TMEM132D: variants seen among roughly 807,000 people sequenced by gnomAD.
The protein encoded by TMEM132D is transmembrane protein 132D.
Under a neutral mutation model 62.3 loss-of-function variants are expected in TMEM132D, and 21 were observed. The observed-to-expected ratio is 0.34, with a 90% CI of 0.24 to 0.49. TMEM132D has a LOEUF of 0.49. TMEM132D is among the 20% of genes least tolerant of loss of function. TMEM132D has a pLI of 0.99. For synonymous variants in TMEM132D, 621 were observed against 575.6 expected, an observed-to-expected ratio of 1.08 and a Z score of -1.13; for missense variants, 1,346 against 1,402.8, an observed-to-expected ratio of 0.96 and a Z score of 0.65.
At chr12:129,102,372 G>A (rs1397747374) in intron 5 of TMEM132D, among the ~76,000 whole-genome samples, 2 of 148,712 alleles carry the variant, frequency 1.3e-5, no homozygotes, top group Non-Finnish European at 3.0e-5. Context: ...ATGCACACAA[G>A]CACATGCAGA....
At chr12:129,210,380 G>T (rs1244102714) in intron 4 of TMEM132D, 1 of 152,262 alleles carries the variant, frequency 6.6e-6, no homozygotes, top group East Asian at 1.9e-4. Context: ...CTGGCCTCCA[G>T]ACGTGTCTGG....
At chr12:129,536,878 C>T (rs1242559036) in intron 2 of TMEM132D, among the ~76,000 whole-genome samples, 2 of 152,206 alleles carry the variant, frequency 1.3e-5, no homozygotes, top group African/African-American at 4.8e-5. Flanking sequence ...CATATGCGGC[C>T]GGGCGCGGTA....
chr12:129,626,973 A>C (rs546174128), intron 2 of TMEM132D, among the ~76,000 whole-genome samples: 1 of 152,150 alleles, frequency 6.6e-6, no homozygotes, highest in South Asian at 2.1e-4. Flanking sequence ...GGCACTCAGA[A>C]CCACCTGTTT....
rs199944696 is a variant in TMEM132D at position 129,827,740 on chromosome 12, GC to G, written c.79+75520del. On this transcript the variant is annotated intron_variant, in intron 1 of 8. Coordinates refer to ENST00000422113, the MANE Select transcript of TMEM132D (RefSeq NM_133448.3). This position sits in a 1 kb window ranked among gnomAD's most constrained non-coding sequence, Gnocchi z 9.7. The stretch of plus-strand genomic sequence containing the variant: ...GTTTGTCACTGGAAGTTAATCTTTA[GC>G]CCCCTCACCTCAGTTAAGTGCATTC... Among the ~76,000 whole-genome samples, 3 of 152,136 alleles carry G rather than the reference GC, an allele frequency of 2.0e-5. No homozygotes were observed. Among genetic ancestry groups the G allele is most frequent in the Admixed American group, 2.0e-4 (3 of 15,256 alleles).
intron 3 of TMEM132D, among the ~76,000 whole-genome samples, chr12:129,466,278 C>CCTTTTTTTTT (rs1566078685): frequency 2.5e-5 from 3 of 120,394 alleles, no homozygotes; most frequent in Admixed American, 9.7e-5. Flanking sequence ...GTAGATTTTT[C>CCTTTTTTTTT]CTTTTTTTTT....
At chr12:129,220,284 C>T (rs1349589766) in intron 4 of TMEM132D, among the ~76,000 whole-genome samples, 1 of 152,062 alleles carries the variant, frequency 6.6e-6, no homozygotes, top group Non-Finnish European at 1.5e-5. Flanking sequence ...GGTTCTAGAA[C>T]CTCATTGCCT....
At chr12:129,665,943 C>A (rs1399402447) in intron 2 of TMEM132D, among the ~76,000 whole-genome samples, 2 of 151,888 alleles carry the variant, frequency 1.3e-5, no homozygotes, top group African/African-American at 2.4e-5. Context: ...CCCTGAGGGA[C>A]CTTTAATATT....
intron 2 of TMEM132D, among the ~76,000 whole-genome samples, chr12:129,547,856 A>G (rs1876782666): frequency 6.6e-6 from 1 of 152,202 alleles, no homozygotes; most frequent in South Asian, 2.1e-4. Flanking sequence ...TGCAGCACAG[A>G]GAGGTTGAGT....
intron 1 of TMEM132D, among the ~76,000 whole-genome samples, chr12:129,806,974 C>T (rs182732882): frequency 6.6e-6 from 1 of 152,200 alleles, no homozygotes; most frequent in Admixed American, 6.5e-5. Context: ...GTGGGGGTTG[C>T]AGTGAGCCAA....
At position 129,367,302 on chromosome 12, in the gene TMEM132D, GGT is replaced by G. The variant is rs1259416663; in HGVS notation, c.1116-29487_1116-29486del. ...TCTATCTGTGTACTTACCACTTTCA[GGT>G]GGCTAGTGGCGGGCAGGAAGGTATG... On this transcript the variant is annotated intron_variant, in intron 3 of 8. Transcript: ENST00000422113. 3.3e-5 allele frequency among the ~76,000 whole-genome samples: 5 copies of G among 152,342 alleles called. No individual in the cohort carries two copies. In the South Asian group the frequency reaches 1.0e-3, roughly 32 times the overall value.
intron 1 of TMEM132D, among the ~76,000 whole-genome samples, chr12:129,782,592 G>A (rs950500224): frequency 6.6e-6 from 1 of 152,246 alleles, no homozygotes; most frequent in Non-Finnish European, 1.5e-5. Flanking sequence ...GGGAAAAGGG[G>A]AAGGGAAAAG....
chr12:129,389,347 T>C (rs1871233946), intron 3 of TMEM132D, among the ~76,000 whole-genome samples: 1 of 151,538 alleles, frequency 6.6e-6, no homozygotes, highest in African/African-American at 2.4e-5. Context: ...ATACTAATAC[T>C]AACACTAACA....
chr12:129,186,438 G>A (rs1878223942), intron 5 of TMEM132D, among the ~76,000 whole-genome samples: 1 of 152,150 alleles, frequency 6.6e-6, no homozygotes, highest in Non-Finnish European at 1.5e-5. Context: ...TGTAGAAGAG[G>A]GGGCCCAGGC....
chr12:129,880,855 T>C (rs1439634755), intron 1 of TMEM132D, among the ~76,000 whole-genome samples: 1 of 152,042 alleles, frequency 6.6e-6, no homozygotes, highest in African/African-American at 2.4e-5. Flanking sequence ...GCTAGGAAGA[T>C]TGTAGATGTA....
intron 4 of TMEM132D, among the ~76,000 whole-genome samples, chr12:129,275,556 G>A (rs560542943): frequency 6.6e-6 from 1 of 152,322 alleles, no homozygotes; most frequent in African/African-American, 2.4e-5. Flanking sequence ...CCCTGGAGCT[G>A]AGACACACAA....
intron 2 of TMEM132D, among the ~76,000 whole-genome samples, chr12:129,673,531 A>G (rs918970447): frequency 2.0e-5 from 3 of 152,192 alleles, no homozygotes; most frequent in Admixed American, 2.0e-4. Flanking sequence ...AAAAAATCAA[A>G]CATCCGGGAC....
intron 4 of TMEM132D, among the ~76,000 whole-genome samples, chr12:129,313,740 T>A (rs1882039754): frequency 6.6e-6 from 1 of 152,216 alleles, no homozygotes; most frequent in African/African-American, 2.4e-5. Flanking sequence ...GTGGGATTGC[T>A]GGAACAAATG....
intron 5 of TMEM132D, chr12:129,110,750 C>G (rs959599351): frequency 1.3e-5 from 2 of 152,356 alleles, no homozygotes; most frequent in Non-Finnish European, 2.9e-5. Context: ...GCGCCGCACA[C>G]CACAGGCCCA....
rs1874115801 is a variant in TMEM132D at position 129,072,786 on chromosome 12, ATCCCAAGTGGCCCTG to A, written c.*1074_*1088del. The A allele has an allele frequency of 6.6e-6, 1 of 152,224 alleles. No individual in the cohort carries two copies. Among genetic ancestry groups the A allele is most frequent in the Non-Finnish European group, 1.5e-5 (1 of 68,052 alleles). 9.4% of individuals were successfully genotyped at this position (152,224 alleles called of 1,614,324 possible). A position where few individuals can be genotyped will look rare whatever the true frequency, so the allele number is the denominator to read the frequency against. On this transcript the variant is annotated 3_prime_UTR_variant, in exon 9 of 9. Coordinates refer to ENST00000422113, the MANE Select transcript of TMEM132D (RefSeq NM_133448.3). ...ATCTGCCATGAACAGTGAAAGACCC[ATCCCAAGTGGCCCTG>A]TTTTCTTTCTAGTAAAGCAAGGGAA...
Sources: gnomAD v4.1 joint callset for allele counts (sites outside exome capture counted in the v4.1 genomes callset) on GRCh38, gnomAD v4.1.1 for gene constraint, Gnocchi (gnomAD v3.1) non-coding constraint, MANE v1.5 for transcripts, NCBI Gene and HGNC (gene_info 2026-07-23, HGNC 2026-07-21) for gene names.